WARS2: variants seen among roughly 807,000 people sequenced by gnomAD.
WARS2 encodes tryptophanyl tRNA synthetase 2, mitochondrial, also known as tryptophan--tRNA ligase, mitochondrial.
Under a neutral mutation model 36.5 loss-of-function variants are expected in WARS2, and 28 were observed. That is an observed-to-expected ratio of 0.77 (90% CI 0.57 to 1.05). WARS2 has a LOEUF of 1.05. WARS2 is among the 50% of genes least tolerant of loss of function. The pLI is 0.00. For synonymous variants in WARS2, 174 were observed against 178.4 expected (o/e 0.98, Z 0.20); for missense variants, 435 against 456.8 (o/e 0.95, Z 0.44).
At chr1:119,066,519 A>G (rs1393933432) in intron 2 of WARS2, among the ~76,000 whole-genome samples, 1 of 151,852 alleles carries the variant, frequency 6.6e-6, no homozygotes, top group Non-Finnish European at 1.5e-5. Context: ...CAAACTGAAA[A>G]ATGATAATGT....
chr1:119,044,032 T>C (rs974615209), intron 3 of WARS2, among the ~76,000 whole-genome samples: 3 of 152,238 alleles, frequency 2.0e-5, no homozygotes, highest in Non-Finnish European at 4.4e-5. Flanking sequence ...ACTTGTTTAA[T>C]TGTCTTTTCC....
chr1:119,082,663 C>T (rs1181514750), intron 1 of WARS2: 1 of 154,112 alleles, frequency 6.5e-6, no homozygotes, highest in East Asian at 1.9e-4. Flanking sequence ...CTCCCCAACA[C>T]ACTTCTCAGA....
chr1:119,108,475 G>T (rs1233165291), intron 1 of WARS2, among the ~76,000 whole-genome samples: 1 of 151,974 alleles, frequency 6.6e-6, no homozygotes, highest in Non-Finnish European at 1.5e-5. Flanking sequence ...TGGGCATAGG[G>T]TTGTTCATAA....
intron 1 of WARS2, among the ~76,000 whole-genome samples, chr1:119,111,773 G>C (rs1557987996): frequency 1.3e-5 from 2 of 152,084 alleles, no homozygotes; most frequent in African/African-American, 2.4e-5. Context: ...CTGGTTCCTA[G>C]GGAGGTTTCT....
intron 1 of WARS2, among the ~76,000 whole-genome samples, chr1:119,122,965 GA>G (rs1039218413): frequency 2.0e-4 from 30 of 152,120 alleles, no homozygotes; most frequent in African/African-American, 5.5e-4. Flanking sequence ...CTGAGGATAG[GA>G]AAAAAATGTA....
intron 1 of WARS2, among the ~76,000 whole-genome samples, chr1:119,138,131 T>C (rs1308269465): frequency 1.3e-5 from 2 of 152,150 alleles, no homozygotes; most frequent in African/African-American, 4.8e-5. Flanking sequence ...ACTATACTCT[T>C]GCAAAATAAT....
chr1:119,082,575 T>C, intron 1 of WARS2: 1 of 401,758 alleles, frequency 2.5e-6, no homozygotes, highest in Non-Finnish European at 3.4e-6. Flanking sequence ...CTCCAAATTC[T>C]ATATTCCTTC....
intron 2 of WARS2, among the ~76,000 whole-genome samples, 170 bp from the exon 3 acceptor site, chr1:119,045,832 T>C (rs932117631): frequency 4.6e-5 from 7 of 152,080 alleles, no homozygotes; most frequent in African/African-American, 1.7e-4. Context: ...GACTCTTAGG[T>C]GAAGAAAAAA....
intron 5 of WARS2, among the ~76,000 whole-genome samples, chr1:119,033,674 G>GGGCTA (rs1194245611): frequency 6.6e-6 from 1 of 152,156 alleles, no homozygotes; most frequent in African/African-American, 2.4e-5. Context: ...CGCTGAAGGT[G>GGGCTA]GGCTAGGCTA....
intron 2 of WARS2, among the ~76,000 whole-genome samples, chr1:119,053,127 G>T (rs1396236749): frequency 1.3e-5 from 2 of 152,160 alleles, no homozygotes; most frequent in Non-Finnish European, 2.9e-5. Context: ...ACTGCTCCCA[G>T]GCCAAATCTG....
intron 2 of WARS2, among the ~76,000 whole-genome samples, chr1:119,066,421 T>C (rs1571308417): frequency 7.3e-6 from 1 of 137,238 alleles, no homozygotes; most frequent in African/African-American, 2.8e-5. Flanking sequence ...GAGCTTGCAG[T>C]GAGCTGAGAT....
intron 1 of WARS2, among the ~76,000 whole-genome samples, chr1:119,092,971 A>G (rs376885698): frequency 3.3e-4 from 51 of 152,278 alleles, no homozygotes; most frequent in Middle Eastern, 6.8e-3. Flanking sequence ...TGAGTTTTTT[A>G]ATCTTCTACA....
Position 119,045,600 on chromosome 1 carries a change from T to G in WARS2, c.411A>C (p.Gln137His). Residue 137 changes from glutamine (Q) to histidine (H), a missense_variant, in exon 3 of 6, where the codon CAA (glutamine) becomes CAC (histidine). By Grantham distance (24) the Gln-to-His change is conservative (BLOSUM62 0). Transcript: ENST00000235521. Reference sequence around the variant, plus strand: ...CATTTACCTTCCACTGATGTAAATGTTGTAATCGAGGTAGTCTGACCATGC... The same window carrying G: ...CATTTACCTTCCACTGATGTAAATGGTGTAATCGAGGTAGTCTGACCATGC... ...LSCMVRLPRL[Q>H]HLHQWKAKTT... The G allele has an allele frequency of 6.3e-7, 1 of 1,594,516 alleles. No homozygotes were observed. The highest frequency in any genetic ancestry group is 8.6e-7 in the Non-Finnish European group (1 of 1,167,134).
chr1:119,070,919 A>T (rs1651255446), intron 2 of WARS2, among the ~76,000 whole-genome samples: 1 of 152,172 alleles, frequency 6.6e-6, no homozygotes, highest in Non-Finnish European at 1.5e-5. Context: ...GTGGTGGCTC[A>T]TGCCTGTAAT....
chr1:119,118,535 G>A (rs185820092), intron 1 of WARS2, among the ~76,000 whole-genome samples: 4 of 152,212 alleles, frequency 2.6e-5, no homozygotes, highest in Non-Finnish European at 5.9e-5. Flanking sequence ...AAACTTCCCT[G>A]GTCTTGCTAG....
intron 1 of WARS2, chr1:119,127,004 G>C (rs1655711229): frequency 1.3e-6 from 1 of 742,794 alleles, no homozygotes; most frequent in African/African-American, 1.7e-5. Flanking sequence ...TGGAAGTTAG[G>C]CAGTTTTTGC....
At chr1:119,056,626 G>C (rs1292615790) in intron 2 of WARS2, among the ~76,000 whole-genome samples, 1 of 150,412 alleles carries the variant, frequency 6.6e-6, no homozygotes, top group Non-Finnish European at 1.5e-5. Context: ...ACTCATTTTA[G>C]CTGTTCAGTT....
At chr1:119,056,121 C>G (rs962885976) in intron 2 of WARS2, among the ~76,000 whole-genome samples, 1 of 149,830 alleles carries the variant, frequency 6.7e-6, no homozygotes, top group Non-Finnish European at 1.5e-5. Context: ...CAGGCTCAAG[C>G]GATTCTCCTG....
At chr1:119,112,250 G>A (rs1339367193) in intron 1 of WARS2, among the ~76,000 whole-genome samples, 1 of 152,122 alleles carries the variant, frequency 6.6e-6, no homozygotes, top group Non-Finnish European at 1.5e-5. Flanking sequence ...TTGTTAGGAT[G>A]AAGTGGAGAT....
Sources: allele counts gnomAD v4.1 joint callset (sites outside exome capture counted in the v4.1 genomes callset), GRCh38; gene constraint gnomAD v4.1.1; transcripts MANE v1.5; gene names NCBI Gene and HGNC (gene_info 2026-07-23, HGNC 2026-07-21).